The following LRMDA variants were observed in gnomAD, a reference collection of about 807,000 sequenced individuals.
LRMDA encodes the protein leucine rich melanocyte differentiation associated, also known as leucine-rich melanocyte differentiation-associated protein.
A neutral mutation model predicts 29.8 loss-of-function variants in LRMDA; 18 were observed. The ratio of observed to expected loss-of-function variants is 0.60; its 90% CI spans 0.42 to 0.90. LRMDA has a LOEUF of 0.90. LRMDA is among the 40% of genes least tolerant of loss of function. The probability of loss-of-function intolerance (pLI) is 0.00; values close to 1 mark genes in which losing one functional copy is unlikely to be tolerated. For missense variants in LRMDA, 273 were observed against 273.9 expected (o/e 1.00, Z 0.02); for synonymous variants, 125 against 109.4 (o/e 1.14, Z -0.89).
At chr10:75,596,955 C>CTCT (rs1840797008) in intron 2 of LRMDA, among the ~76,000 whole-genome samples, 1 of 144,084 alleles carries the variant, frequency 6.9e-6, no homozygotes, top group Non-Finnish European at 1.5e-5. Flanking sequence ...TTCTTTCTTT[C>CTCT]TTTTTTTTTT....
At chr10:76,472,607 G>A (rs1438259415) in intron 6 of LRMDA, among the ~76,000 whole-genome samples, 1 of 151,438 alleles carries the variant, frequency 6.6e-6, no homozygotes, top group African/African-American at 2.4e-5. Flanking sequence ...AAACCCAAAA[G>A]TTTTTCTTTA....
chr10:75,433,608 G>A (rs1465466773), intron 1 of LRMDA, among the ~76,000 whole-genome samples: 2 of 152,074 alleles, frequency 1.3e-5, no homozygotes, highest in African/African-American at 2.4e-5. Context: ...AATGGCGGCC[G>A]CTTTAAGAGG....
intron 2 of LRMDA, among the ~76,000 whole-genome samples, chr10:75,553,858 T>C (rs1384192756): frequency 3.9e-5 from 6 of 152,108 alleles, no homozygotes; most frequent in African/African-American, 7.2e-5. Context: ...TTAATCTCTC[T>C]TGTGAGCACC....
At chr10:76,275,726 T>G (rs530028796) in intron 5 of LRMDA, among the ~76,000 whole-genome samples, 1 of 152,146 alleles carries the variant, frequency 6.6e-6, no homozygotes. Flanking sequence ...TATTTGTAGT[T>G]GGCTGAGGTT....
intron 2 of LRMDA, among the ~76,000 whole-genome samples, chr10:75,702,293 G>A (rs1459951045): frequency 6.6e-6 from 1 of 152,198 alleles, no homozygotes; most frequent in African/African-American, 2.4e-5. Flanking sequence ...CTGGGCACAT[G>A]ATAAGTGCTC....
intron 2 of LRMDA, among the ~76,000 whole-genome samples, chr10:75,497,555 T>C (rs1296111906): frequency 6.6e-6 from 1 of 151,894 alleles, no homozygotes; most frequent in Non-Finnish European, 1.5e-5. Flanking sequence ...CCTATCAAAG[T>C]GTAGATCCTG....
chr10:75,787,856 C>T (rs550275426), intron 2 of LRMDA, among the ~76,000 whole-genome samples: 261 of 152,260 alleles, frequency 1.7e-3, no homozygotes, highest in Middle Eastern at 3.4e-3. Flanking sequence ...GGTGAAACTC[C>T]GTTTCTACTA....
intron 2 of LRMDA, among the ~76,000 whole-genome samples, chr10:75,460,668 C>T (rs1254676977): frequency 6.6e-6 from 1 of 151,952 alleles, no homozygotes; most frequent in Non-Finnish European, 1.5e-5. Context: ...AATGTTTATG[C>T]TGAACAATTT....
At chr10:75,935,116 C>T (rs1014582398) in intron 2 of LRMDA, among the ~76,000 whole-genome samples, 15 of 152,186 alleles carry the variant, frequency 9.9e-5, no homozygotes, top group African/African-American at 3.4e-4. Flanking sequence ...CTTTTTCTTT[C>T]CCGTCTCCAT....
chr10:76,081,188 G>T (rs986641573), intron 5 of LRMDA, among the ~76,000 whole-genome samples: 2 of 152,158 alleles, frequency 1.3e-5, no homozygotes, highest in African/African-American at 4.8e-5. Context: ...TCCAATGAAA[G>T]TATCTGGCAG....
chr10:76,082,733 C>T (rs1849068022), intron 5 of LRMDA, among the ~76,000 whole-genome samples: 1 of 152,142 alleles, frequency 6.6e-6, no homozygotes, highest in Admixed American at 6.5e-5. Flanking sequence ...AACCCTCATG[C>T]CCTACTGGTA....
intron 2 of LRMDA, among the ~76,000 whole-genome samples, chr10:75,475,851 T>G (rs370738736): frequency 6.6e-6 from 1 of 152,022 alleles, no homozygotes; most frequent in Non-Finnish European, 1.5e-5. Flanking sequence ...ATACCACTTT[T>G]CCCCCCAATA....
At chr10:75,969,967 G>A (rs1846936753) in intron 2 of LRMDA, among the ~76,000 whole-genome samples, 1 of 152,186 alleles carries the variant, frequency 6.6e-6, no homozygotes, top group African/African-American at 2.4e-5. Context: ...GTCTGAGATA[G>A]ACCTCAAAGA....
At chr10:75,833,295 C>G (rs536648897) in intron 2 of LRMDA, among the ~76,000 whole-genome samples, 1 of 152,280 alleles carries the variant, frequency 6.6e-6, no homozygotes, top group East Asian at 1.9e-4. Context: ...GTATTAAAGC[C>G]TGAAAGACAC....
At chr10:75,770,237 G>A (rs1164217810) in intron 2 of LRMDA, among the ~76,000 whole-genome samples, 1 of 152,034 alleles carries the variant, frequency 6.6e-6, no homozygotes, top group African/African-American at 2.4e-5. Context: ...GTGGCATTGA[G>A]TTCTGATCTC....
At chr10:76,423,363 C>T (rs1001074978) in intron 6 of LRMDA, among the ~76,000 whole-genome samples, 5 of 152,082 alleles carry the variant, frequency 3.3e-5, no homozygotes, top group African/African-American at 1.2e-4. Flanking sequence ...CTCTACACTC[C>T]AGCCTAGGCA....
At chr10:75,532,690 C>T (rs901229504) in intron 2 of LRMDA, among the ~76,000 whole-genome samples, 21 of 152,074 alleles carry the variant, frequency 1.4e-4, no homozygotes, top group Non-Finnish European at 3.1e-4. Flanking sequence ...ACACTGAGTT[C>T]TGCTTGAGTC....
chr10:75,480,755 G>C (rs1277050696), intron 2 of LRMDA, among the ~76,000 whole-genome samples: 1 of 152,232 alleles, frequency 6.6e-6, no homozygotes, highest in Non-Finnish European at 1.5e-5. Context: ...GGCTGCGGGT[G>C]CAGGTTAGCA....
chr10:76,232,410 G>A (rs1479089355), intron 5 of LRMDA, among the ~76,000 whole-genome samples: 1 of 152,204 alleles, frequency 6.6e-6, no homozygotes, highest in Non-Finnish European at 1.5e-5. Context: ...ATAAAACAAA[G>A]GTGAACACCC....
Sources: allele counts gnomAD v4.1 joint callset (sites outside exome capture counted in the v4.1 genomes callset), GRCh38; gene constraint gnomAD v4.1.1; transcripts MANE v1.5; gene names NCBI Gene and HGNC (gene_info 2026-07-23, HGNC 2026-07-21).